Variants in MSI2 observed in about 807,000 individuals in gnomAD.
The protein encoded by MSI2 is RNA-binding protein Musashi homolog 2.
MSI2 carries 17 observed loss-of-function variants against 45.6 expected under a neutral mutation model. That is an observed-to-expected ratio of 0.37 (90% CI 0.26 to 0.56). The LOEUF (loss-of-function observed/expected upper bound fraction) is 0.56. MSI2 is among the 20% of genes least tolerant of loss of function. The pLI, the probability that MSI2 is intolerant of heterozygous loss-of-function variation, is 0.77. For missense variants in MSI2, 293 were observed against 444.2 expected, an observed-to-expected ratio of 0.66 and a Z score of 3.06; for synonymous variants, 156 against 158.2, an observed-to-expected ratio of 0.99 and a Z score of 0.11.
intron 7 of MSI2, among the ~76,000 whole-genome samples, chr17:57,582,650 A>G (rs80320311): frequency 6.6e-6 from 1 of 152,216 alleles, no homozygotes; most frequent in Non-Finnish European, 1.5e-5. Flanking sequence ...CTAAATCATG[A>G]TACTAATTTT....
chr17:57,393,672 G>GTTTATTTA (rs557844368), intron 5 of MSI2, among the ~76,000 whole-genome samples: 4 of 152,028 alleles, frequency 2.6e-5, no homozygotes, highest in South Asian at 2.1e-4. Context: ...CACTATGTTT[G>GTTTATTTA]TTTATTTATT....
In MSI2 at chr17:57,352,389, GT is replaced by G. The variant is rs538496802; in HGVS notation, c.313-48987del. Reference sequence around the variant, plus strand: ...TAGATGTCTGAATAGAGGACTCGATGTTTGTTCCTTTTATTTTATAAAGGAA... The same window carrying G: ...TAGATGTCTGAATAGAGGACTCGATGTTGTTCCTTTTATTTTATAAAGGAA... On this transcript the variant is annotated intron_variant, in intron 5 of 13. Coordinates refer to ENST00000284073, the MANE Select transcript of MSI2 (RefSeq NM_138962.4). Among the ~76,000 whole-genome samples, 5 of 152,316 alleles carry G rather than the reference GT, an allele frequency of 3.3e-5. No individual in the cohort carries two copies. In the East Asian group the frequency reaches 9.6e-4, roughly 29 times the overall value.
intron 7 of MSI2, among the ~76,000 whole-genome samples, chr17:57,576,181 T>C (rs1365081263): frequency 6.6e-6 from 1 of 152,212 alleles, no homozygotes. Context: ...TGGGCACTTA[T>C]CAGGGGCTGA....
At chr17:57,458,258 G>T (rs1246402990) in intron 6 of MSI2, among the ~76,000 whole-genome samples, 2 of 152,032 alleles carry the variant, frequency 1.3e-5, no homozygotes, top group African/African-American at 4.8e-5. Flanking sequence ...CCACCACCAC[G>T]CCTGGCTAAT....
intron 5 of MSI2, among the ~76,000 whole-genome samples, chr17:57,275,953 TCTCC>T (rs996148986): frequency 6.6e-6 from 1 of 152,114 alleles, no homozygotes; most frequent in African/African-American, 2.4e-5. Context: ...GTGCTCACTG[TCTCC>T]CTCCCCTCCC....
intron 6 of MSI2, among the ~76,000 whole-genome samples, chr17:57,460,759 C>T (rs1251436739): frequency 6.6e-6 from 1 of 152,090 alleles, no homozygotes; most frequent in Non-Finnish European, 1.5e-5. Context: ...GGAGCTGTGG[C>T]TTCTATAGCC....
chr17:57,536,849 C>T (rs948304740), intron 7 of MSI2, among the ~76,000 whole-genome samples: 1 of 152,050 alleles, frequency 6.6e-6, no homozygotes, highest in African/African-American at 2.4e-5. Context: ...AGTTCAGGGT[C>T]CTAGATGGGG....
intron 7 of MSI2, among the ~76,000 whole-genome samples, chr17:57,536,267 T>C (rs1460150511): frequency 2.6e-5 from 4 of 152,238 alleles, no homozygotes; most frequent in Non-Finnish European, 5.9e-5. Flanking sequence ...ACGTTGGGAC[T>C]GTATAAGCTG....
chr17:57,622,830 C>A (rs1567942712), intron 9 of MSI2, among the ~76,000 whole-genome samples: 1 of 152,160 alleles, frequency 6.6e-6, no homozygotes, highest in East Asian at 1.9e-4. Context: ...AGGAAGTGTT[C>A]CTTTGTTTAG....
intron 6 of MSI2, among the ~76,000 whole-genome samples, chr17:57,518,536 T>C (rs567831933): frequency 6.6e-6 from 1 of 152,286 alleles, no homozygotes; most frequent in South Asian, 2.1e-4. Context: ...TCGGTCAGAG[T>C]CGTGGAGATC....
At chr17:57,444,122 A>G (rs1014924422) in intron 6 of MSI2, among the ~76,000 whole-genome samples, 4 of 152,120 alleles carry the variant, frequency 2.6e-5, no homozygotes, top group Non-Finnish European at 5.9e-5. Flanking sequence ...AGGACTCGAG[A>G]GGCCTTTTAG....
chr17:57,284,761 G>A (rs184583016), intron 5 of MSI2, among the ~76,000 whole-genome samples: 23 of 152,284 alleles, frequency 1.5e-4, no homozygotes, highest in Admixed American at 3.3e-4. Context: ...GCTTCATGGC[G>A]TCATCTGCCC....
At chr17:57,309,221 C>A (rs554300214) in intron 5 of MSI2, among the ~76,000 whole-genome samples, 1 of 152,308 alleles carries the variant, frequency 6.6e-6, no homozygotes, top group East Asian at 1.9e-4. Flanking sequence ...TTCTACTGGG[C>A]TTAATCATCA....
At chr17:57,367,373 C>G (rs1917270595) in intron 5 of MSI2, among the ~76,000 whole-genome samples, 1 of 152,122 alleles carries the variant, frequency 6.6e-6, no homozygotes, top group African/African-American at 2.4e-5. Context: ...GGAGTGTCTC[C>G]CATCTGCTTC....
At chr17:57,670,576 A>G (rs921003943) in intron 11 of MSI2, among the ~76,000 whole-genome samples, 3 of 152,118 alleles carry the variant, frequency 2.0e-5, no homozygotes, top group African/African-American at 4.8e-5. Context: ...AATACCACCA[A>G]CTTTCATTCA....
At chr17:57,584,791 GT>G (rs35283984) in intron 7 of MSI2, among the ~76,000 whole-genome samples, 11,773 of 144,186 alleles carry the variant, frequency 0.082, 526 homozygotes, top group East Asian at 0.19. Flanking sequence ...GATGATTTGG[GT>G]TTTTTTTTTT....
chr17:57,515,732 G>A (rs753373092), intron 6 of MSI2, among the ~76,000 whole-genome samples: 10 of 152,016 alleles, frequency 6.6e-5, no homozygotes, highest in Non-Finnish European at 1.3e-4. Flanking sequence ...GTATGCCAGC[G>A]CCAAATACAA....
intron 7 of MSI2, among the ~76,000 whole-genome samples, chr17:57,536,902 G>T (rs2086932443): frequency 6.6e-6 from 1 of 152,174 alleles, no homozygotes; most frequent in Admixed American, 6.5e-5. Context: ...GACCATTGTT[G>T]GGTGGCAGAG....
chr17:57,672,624 G>A (rs1206392479), intron 11 of MSI2, among the ~76,000 whole-genome samples: 1 of 152,160 alleles, frequency 6.6e-6, no homozygotes, highest in Non-Finnish European at 1.5e-5. Flanking sequence ...AGACAAGAAA[G>A]AAGCCAAAAA....
Sources: allele counts gnomAD v4.1 joint callset (sites outside exome capture counted in the v4.1 genomes callset), GRCh38; gene constraint gnomAD v4.1.1; transcripts MANE v1.5; gene names NCBI Gene and HGNC (gene_info 2026-07-23, HGNC 2026-07-21).